The following RARB variants were observed in gnomAD, a reference collection of about 807,000 sequenced individuals.
The protein encoded by RARB is HBV-activated protein.
Under a neutral mutation model 51.9 loss-of-function variants are expected in RARB, and 17 were observed. That is an observed-to-expected ratio of 0.33 (90% CI 0.22 to 0.49). The LOEUF is 0.49. RARB is among the 20% of genes least tolerant of loss of function. RARB has a pLI of 0.99. For synonymous variants in RARB, 215 were observed against 195.4 expected, an observed-to-expected ratio of 1.10 and a Z score of -0.84; for missense variants, 369 against 550.8, an observed-to-expected ratio of 0.67 and a Z score of 3.30.
chr3:24,925,910 G>C (rs1328900090), intron 2 of RARB, among the ~76,000 whole-genome samples: 1 of 151,946 alleles, frequency 6.6e-6, no homozygotes, highest in Non-Finnish European at 1.5e-5. Context: ...TTACCAACGT[G>C]TAAGTTATTT....
At position 25,487,060 on chromosome 3, in the gene RARB, A is replaced by G. The variant is rs573772515; in HGVS notation, c.307-14122A>G. Among the ~76,000 whole-genome samples, 10 of 152,248 alleles carry G rather than the reference A, an allele frequency of 6.6e-5. No homozygotes were observed. In the South Asian group the frequency reaches 2.1e-3, roughly 32 times the overall value. ...GCTGGACTAGTTCCCCTGCTCAGTCACACACTTTCTCTCCTTTTGTGCTGG... is the reference window on the plus strand; with the variant it reads ...GCTGGACTAGTTCCCCTGCTCAGTCGCACACTTTCTCTCCTTTTGTGCTGG... On this transcript the variant is annotated intron_variant, in intron 2 of 7. Transcript: ENST00000330688.
At chr3:25,308,518 G>C (rs1386475522) in intron 5 of RARB, among the ~76,000 whole-genome samples, 1 of 142,332 alleles carries the variant, frequency 7.0e-6, no homozygotes, top group Non-Finnish European at 1.5e-5. Context: ...GCGTGGTCTT[G>C]GCTTACTGCA....
At chr3:25,173,986 T>A (rs1700693796) in intron 4 of RARB, 1 of 154,964 alleles carries the variant, frequency 6.5e-6, no homozygotes, top group Admixed American at 6.2e-5. Context: ...TTAACACTCT[T>A]TGGGAAGCAG....
chr3:25,222,083 G>A (rs1701960422), intron 5 of RARB, among the ~76,000 whole-genome samples: 1 of 152,112 alleles, frequency 6.6e-6, no homozygotes, highest in African/African-American at 2.4e-5. Context: ...ATACATCACT[G>A]GCGTGACCTG....
chr3:25,354,641 C>T (rs1199757949), intron 5 of RARB, among the ~76,000 whole-genome samples: 1 of 152,114 alleles, frequency 6.6e-6, no homozygotes, highest in Admixed American at 6.6e-5. Flanking sequence ...TTTAGGCACT[C>T]AACATAAACC....
In RARB at chr3:24,903,258, G is replaced by C. The variant is rs150565492; in HGVS notation, c.-380+44506G>C. Among the ~76,000 whole-genome samples the C allele has an allele frequency of 6.4e-3, 976 of 152,022 alleles. 9 individuals are homozygous for C. The highest frequency in any genetic ancestry group is 0.022 in the African/African-American group (910 of 41,498). Reference sequence around the variant, plus strand: ...AAAATGATGCATTGGTACAGAAATAGGAAATAATAATCATAAAAATATGAC... The same window carrying C: ...AAAATGATGCATTGGTACAGAAATACGAAATAATAATCATAAAAATATGAC... On this transcript the variant is annotated intron_variant, in intron 2 of 11. Transcript: ENST00000383772.
intron 2 of RARB, among the ~76,000 whole-genome samples, chr3:24,957,611 C>T (rs1043011465): frequency 2.6e-5 from 4 of 152,194 alleles, no homozygotes; most frequent in Non-Finnish European, 5.9e-5. Flanking sequence ...TATCCAGATG[C>T]TTTGAGCCTT....
At chr3:25,357,910 G>C (rs1705800471) in intron 5 of RARB, among the ~76,000 whole-genome samples, 1 of 152,128 alleles carries the variant, frequency 6.6e-6, no homozygotes, top group Non-Finnish European at 1.5e-5. Context: ...AGTTACTGTA[G>C]CCTTGTAGTA....
At chr3:25,583,763 G>T (rs1039971782) in intron 5 of RARB, among the ~76,000 whole-genome samples, 1 of 152,250 alleles carries the variant, frequency 6.6e-6, no homozygotes, top group Non-Finnish European at 1.5e-5. Context: ...GGGTCCAGAA[G>T]ATTCTGAGGC....
chr3:25,430,433 G>A (rs1216736602), intron 1 of RARB, among the ~76,000 whole-genome samples: 4 of 152,210 alleles, frequency 2.6e-5, no homozygotes, highest in Non-Finnish European at 5.9e-5. Flanking sequence ...GTTAGAGAAA[G>A]TGGTAATGAA....
chr3:24,965,540 C>T (rs550673407), intron 2 of RARB, among the ~76,000 whole-genome samples: 34 of 152,186 alleles, frequency 2.2e-4, no homozygotes, highest in African/African-American at 7.5e-4. Flanking sequence ...ACATGGGCTC[C>T]GGGCCAGATT....
In RARB at chr3:25,594,625, T is replaced by A. The variant is rs781234532; in HGVS notation, c.1097T>A (p.Met366Lys). ...AAAAGACGACCCAGCAAGCCTCACA[T>A]GTTTCCAAAGATCTTAATGAAAATC... Reference protein sequence around the residue: ...IRKRRPSKPHMFPKILMKITD... With the variant: ...IRKRRPSKPHKFPKILMKITD... The change falls in exon 7 of 8, where the codon ATG becomes AAG. Residue 366 changes from methionine to lysine, a missense_variant. Around this residue, in one of 9 missense-constraint regions of RARB, gnomAD observed 76 missense variants for 153.3 expected, o/e 0.50. Transcript: ENST00000330688. 1 of 1,613,568 alleles carries A rather than the reference T, an allele frequency of 6.2e-7. No individual in the cohort carries two copies. The highest frequency in any genetic ancestry group is 8.5e-7 in the Non-Finnish European group (1 of 1,179,774).
chr3:25,137,043 G>A (rs1245708558), intron 4 of RARB, among the ~76,000 whole-genome samples: 3 of 152,042 alleles, frequency 2.0e-5, no homozygotes, highest in Non-Finnish European at 2.9e-5. Context: ...CAAACTGTTT[G>A]TGTAATCACT....
chr3:25,356,617 A>C (rs941115681), intron 5 of RARB, among the ~76,000 whole-genome samples: 11 of 151,998 alleles, frequency 7.2e-5, no homozygotes, highest in African/African-American at 2.7e-4. Context: ...TGCACCCATC[A>C]ACCCATCATC....
intron 4 of RARB, among the ~76,000 whole-genome samples, chr3:25,155,972 G>A (rs901082051): frequency 6.6e-6 from 1 of 152,150 alleles, no homozygotes; most frequent in African/African-American, 2.4e-5. Context: ...TGCCAACACA[G>A]GAGGCCTTAG....
At chr3:25,504,770 C>CTTTTTTT (rs61498243) in intron 3 of RARB, among the ~76,000 whole-genome samples, 1 of 126,052 alleles carries the variant, frequency 7.9e-6, no homozygotes, top group African/African-American at 3.2e-5. Flanking sequence ...ACATTAACCA[C>CTTTTTTT]TTTTTTTTTT....
At chr3:25,365,895 G>A (rs550434989) in intron 5 of RARB, among the ~76,000 whole-genome samples, 1 of 152,190 alleles carries the variant, frequency 6.6e-6, no homozygotes, top group Non-Finnish European at 1.5e-5. Flanking sequence ...CAACATTTCT[G>A]CCATACCACA....
At chr3:25,200,765 T>A (rs1701368800) in intron 5 of RARB, among the ~76,000 whole-genome samples, 1 of 152,116 alleles carries the variant, frequency 6.6e-6, no homozygotes, top group Non-Finnish European at 1.5e-5. Context: ...TATGTGGCAT[T>A]ATTTCTGAGG....
chr3:24,957,899 C>G (rs1311322213), intron 2 of RARB, among the ~76,000 whole-genome samples: 2 of 152,168 alleles, frequency 1.3e-5, no homozygotes, highest in African/African-American at 4.8e-5. Context: ...ACACAGATAA[C>G]ATAGGTGTAT....
Sources: gnomAD v4.1 joint callset for allele counts (sites outside exome capture counted in the v4.1 genomes callset) on GRCh38, gnomAD v4.1.1 for gene constraint, gnomAD v4.1.1 regional missense constraint, MANE v1.5 for transcripts, NCBI Gene and HGNC (gene_info 2026-07-23, HGNC 2026-07-21) for gene names.